The following CACNA2D3 variants were observed in gnomAD, a reference collection of about 807,000 sequenced individuals.
CACNA2D3 encodes the protein calcium voltage-gated channel auxiliary subunit alpha2delta 3, also known as voltage-dependent calcium channel subunit alpha-2/delta-3.
CACNA2D3 carries 60 observed loss-of-function variants against 160.6 expected under a neutral mutation model. That is an observed-to-expected ratio of 0.37 (90% CI 0.30 to 0.46). CACNA2D3 has a LOEUF of 0.46. Among genes scored for constraint, CACNA2D3 ranks in the 20% least tolerant of loss-of-function variants. The pLI, the probability that CACNA2D3 is intolerant of heterozygous loss-of-function variation, is 1.00. For synonymous variants in CACNA2D3, 558 were observed against 492.9 expected (o/e 1.13, Z -1.75); for missense variants, 1,205 against 1,365.0 (o/e 0.88, Z 1.85).
At chr3:54,320,043 T>C (rs1703953733) in intron 2 of CACNA2D3, among the ~76,000 whole-genome samples, 1 of 152,144 alleles carries the variant, frequency 6.6e-6, no homozygotes, top group African/African-American at 2.4e-5. Context: ...CAGGGACCCA[T>C]AGGAGTTTTG....
chr3:54,252,384 G>T (rs546151570), intron 2 of CACNA2D3, among the ~76,000 whole-genome samples: 4 of 152,290 alleles, frequency 2.6e-5, no homozygotes, highest in African/African-American at 9.6e-5. Context: ...GGGATCAGTT[G>T]TGTCTCATTT....
At position 54,188,078 on chromosome 3, in the gene CACNA2D3, C is replaced by T. The variant is rs116149670; in HGVS notation, c.204+64484C>T. 3.0e-3 allele frequency among the ~76,000 whole-genome samples: 454 copies of T among 152,246 alleles called. 3 individuals are homozygous for T. Among genetic ancestry groups the T allele is most frequent in the Non-Finnish European group, 4.8e-3 (329 of 68,014 alleles). ...GGGGATCAACATGGGTATGTGCTCC[C>T]CCAACCAGCTGCTCAGAACACTCTA... On this transcript the variant is annotated intron_variant, in intron 2 of 37. Coordinates refer to ENST00000474759, the MANE Select transcript of CACNA2D3 (RefSeq NM_018398.3).
intron 11 of CACNA2D3, among the ~76,000 whole-genome samples, chr3:54,644,342 T>G (rs1168027767): frequency 6.6e-6 from 1 of 152,144 alleles, no homozygotes; most frequent in Non-Finnish European, 1.5e-5. Context: ...AGGGTCTTCT[T>G]TTATGATTAC....
At chr3:54,350,992 T>TTTTTTTTTTG (rs1698552058) in intron 3 of CACNA2D3, among the ~76,000 whole-genome samples, 2 of 110,978 alleles carry the variant, frequency 1.8e-5, no homozygotes, top group African/African-American at 3.2e-5. Context: ...GTTTGTTTTT[T>TTTTTTTTTTG]TTTTTTTTTT....
chr3:54,231,861 G>T (rs1701775887), intron 2 of CACNA2D3, among the ~76,000 whole-genome samples: 1 of 152,160 alleles, frequency 6.6e-6, no homozygotes, highest in African/African-American at 2.4e-5. Context: ...ATGGAAGGGG[G>T]GTGGTCCTGG....
intron 35 of CACNA2D3, among the ~76,000 whole-genome samples, chr3:55,019,393 C>T (rs1703398727): frequency 6.6e-6 from 1 of 151,796 alleles, no homozygotes; most frequent in African/African-American, 2.4e-5. Flanking sequence ...AGTGATAGAT[C>T]AATTTAAAGA....
chr3:54,720,871 C>G (rs1406225382), intron 11 of CACNA2D3, among the ~76,000 whole-genome samples: 2 of 151,946 alleles, frequency 1.3e-5, no homozygotes, highest in East Asian at 1.9e-4. Flanking sequence ...TTACATTGTG[C>G]TTTACATGGT....
chr3:54,156,741 T>C (rs1174940395), intron 2 of CACNA2D3, among the ~76,000 whole-genome samples: 3 of 152,186 alleles, frequency 2.0e-5, no homozygotes, highest in Admixed American at 1.3e-4. Flanking sequence ...CACTAACTGC[T>C]AGCCACGTGA....
intron 3 of CACNA2D3, among the ~76,000 whole-genome samples, chr3:54,332,518 A>G (rs1183459166): frequency 2.0e-5 from 3 of 152,234 alleles, no homozygotes; most frequent in Non-Finnish European, 4.4e-5. Context: ...ACTTTGAAAC[A>G]CATCCAATGT....
At chr3:54,653,958 G>A (rs1699826184) in intron 11 of CACNA2D3, among the ~76,000 whole-genome samples, 1 of 152,174 alleles carries the variant, frequency 6.6e-6, no homozygotes, top group Non-Finnish European at 1.5e-5. Context: ...TGTTGGGGAA[G>A]AGTCAAACTG....
intron 27 of CACNA2D3, among the ~76,000 whole-genome samples, chr3:54,963,512 T>G (rs1257586185): frequency 6.6e-6 from 1 of 152,238 alleles, no homozygotes; most frequent in Admixed American, 6.5e-5. Context: ...GAATATTATT[T>G]AATTTTAGTT....
chr3:54,522,026 C>G (rs982303258), intron 5 of CACNA2D3, among the ~76,000 whole-genome samples: 1 of 152,088 alleles, frequency 6.6e-6, no homozygotes, highest in Non-Finnish European at 1.5e-5. Flanking sequence ...ATTCCAGGTC[C>G]CTTGCAATTC....
rs541820957 is a variant in CACNA2D3 at position 54,688,625 on chromosome 3, G to A, written c.1167+46384G>A. On this transcript the variant is annotated intron_variant, in intron 11 of 37. Coordinates refer to ENST00000474759, the MANE Select transcript of CACNA2D3 (RefSeq NM_018398.3). ...GGCTCTGAGGACAGTTGTAAAGAGT[G>A]AATGAGGTCATACACATAAAGCACA... is the stretch of plus-strand genomic sequence containing the variant. 4.6e-5 allele frequency among the ~76,000 whole-genome samples: 7 copies of A among 152,012 alleles called. No individual in the cohort carries two copies. The South Asian group carries it at 6.2e-4, about 14-fold the overall frequency.
intron 11 of CACNA2D3, among the ~76,000 whole-genome samples, chr3:54,739,870 T>C (rs962568267): frequency 1.3e-5 from 2 of 152,092 alleles, no homozygotes; most frequent in African/African-American, 4.8e-5. Context: ...GAAATACATA[T>C]ATTTTCTTCA....
intron 2 of CACNA2D3, among the ~76,000 whole-genome samples, chr3:54,201,201 C>T (rs1249736184): frequency 1.3e-5 from 2 of 152,184 alleles, no homozygotes; most frequent in African/African-American, 4.8e-5. Flanking sequence ...CCACATATAT[C>T]ATTGGAATTA....
At chr3:54,468,590 C>G (rs918459875) in intron 4 of CACNA2D3, among the ~76,000 whole-genome samples, 1 of 152,188 alleles carries the variant, frequency 6.6e-6, no homozygotes, top group South Asian at 2.1e-4. Flanking sequence ...CGTTTCCCCC[C>G]TCTGGAAAGT....
chr3:54,604,188 G>T (rs1052098662), intron 9 of CACNA2D3, among the ~76,000 whole-genome samples: 1 of 152,058 alleles, frequency 6.6e-6, no homozygotes, highest in African/African-American at 2.4e-5. Context: ...GTGTTGATTT[G>T]CCCATTGATT....
intron 11 of CACNA2D3, among the ~76,000 whole-genome samples, chr3:54,664,093 G>A (rs1040412882): frequency 5.9e-5 from 9 of 152,262 alleles, no homozygotes; most frequent in South Asian, 4.1e-4. Context: ...GTGCTGAGCC[G>A]AATCGGCGAT....
At position 54,687,133 on chromosome 3, in the gene CACNA2D3, TTG is replaced by T. The variant is rs1491026468; in HGVS notation, c.1167+44894_1167+44895del. 6.7e-3 allele frequency among the ~76,000 whole-genome samples: 180 copies of T among 27,028 alleles called. 7 individuals carry two copies. The highest frequency in any genetic ancestry group is 0.01 in the Non-Finnish European group (134 of 12,976). 17.7% of individuals were successfully genotyped at this position (27,028 alleles called of 152,430 possible). On this transcript the variant is annotated intron_variant, in intron 11 of 37. Transcript: ENST00000474759. ...TCTTTTTCTTTTTCTTTTTTTTTTT[TTG>T]TTTTTTTTTTTTTTTGTTTTTTTGA...
Sources: allele counts gnomAD v4.1 joint callset (sites outside exome capture counted in the v4.1 genomes callset), GRCh38; gene constraint gnomAD v4.1.1; transcripts MANE v1.5; gene names NCBI Gene and HGNC (gene_info 2026-07-23, HGNC 2026-07-21).